The following MCOLN1 variants were observed in gnomAD, a reference collection of about 807,000 sequenced individuals.
MCOLN1 encodes mucolipin-1.
A neutral mutation model predicts 70.3 loss-of-function variants in MCOLN1; 50 were observed. The observed-to-expected ratio is 0.71, with a 90% CI of 0.57 to 0.90. The LOEUF (loss-of-function observed/expected upper bound fraction) is 0.90, where lower values mean the gene tolerates loss of function less well. Ranked by LOEUF, MCOLN1 falls within the 40% of genes least tolerant of loss-of-function variation. MCOLN1 has a pLI of 0.00. For missense variants in MCOLN1, 598 were observed against 803.5 expected, an observed-to-expected ratio of 0.74 and a Z score of 3.09; for synonymous variants, 366 against 341.0, an observed-to-expected ratio of 1.07 and a Z score of -0.81.
intron 1 of MCOLN1, among the ~76,000 whole-genome samples, chr19:7,523,288 G>A (rs1416766816): frequency 6.6e-6 from 1 of 152,200 alleles, no homozygotes; most frequent in Non-Finnish European, 1.5e-5. Flanking sequence ...TCTTAAATTC[G>A]GGCTTCTAGC....
intron 12 of MCOLN1, among the ~76,000 whole-genome samples, chr19:7,530,894 C>T (rs1293490994): frequency 1.3e-5 from 2 of 152,166 alleles, no homozygotes; most frequent in Admixed American, 6.5e-5. Flanking sequence ...GCACACGCCA[C>T]CACGTCCAGC....
rs2022568798 is a variant in MCOLN1, at chr19:7,526,456, C to T, written c.255C>T (p.Leu85=). The change falls in exon 3 of 14, where the codon CTC becomes CTT. Residue 85 remains leucine (L), a synonymous_variant. Transcript: ENST00000264079. The surrounding 1 kb of genome is among the most constrained non-coding windows in gnomAD (Gnocchi z 4.6). ...VVTVQLILFG[L]SNQLAVTFRE... is the part of the protein sequence containing the mutation. ...CTCCCCAGCTCATCCTGTTTGGGCTCAGTAATCAGCTGGCTGTGACATTCC... is the reference window on the plus strand; with the variant it reads ...CTCCCCAGCTCATCCTGTTTGGGCTTAGTAATCAGCTGGCTGTGACATTCC... 3 of 1,614,140 alleles carry T rather than the reference C, an allele frequency of 1.9e-6. No individual in the cohort carries two copies. Among genetic ancestry groups the T allele is most frequent in the African/African-American group, 2.7e-5 (2 of 74,952 alleles).
Position 7,525,318 on chromosome 19 carries a change from C to A in MCOLN1, c.237+152C>A. ...ACCAGTCTGGCCAGCATGGTGAAAC[C>A]CCATCTCTACTAAAAATACAAAAAA... On this transcript the variant is annotated intron_variant, in intron 2 of 13. Transcript: ENST00000264079. The surrounding 1 kb of genome is among the most constrained non-coding windows in gnomAD (Gnocchi z 4.2). 1 of 717,152 alleles carries A rather than the reference C, an allele frequency of 1.4e-6. No homozygotes were observed. The highest frequency in any genetic ancestry group is 1.5e-5 in the South Asian group (1 of 66,088). The allele number at this position is 717,152 out of a possible 1,614,324, so 44.4% of individuals were successfully genotyped here. A position where few individuals can be genotyped will look rare whatever the true frequency, so the allele number is the denominator to read the frequency against.
chr19:7,528,077 G>C lies in MCOLN1; in HGVS notation c.778-81G>C. 1.3e-6 allele frequency: 2 copies of C among 1,543,052 alleles called. No individual in the cohort carries two copies. The highest frequency in any genetic ancestry group is 1.8e-6 in the Non-Finnish European group (2 of 1,115,610). ...TGCGGGTGATGAGGGAGGGAGCCCGGGGTCTGTCAGGCCACCTGTCATGTG... is the reference window on the plus strand; with the variant it reads ...TGCGGGTGATGAGGGAGGGAGCCCGCGGTCTGTCAGGCCACCTGTCATGTG... On this transcript the variant is annotated intron_variant, in intron 6 of 13. Transcript: ENST00000264079. The surrounding 1 kb of genome is among the most constrained non-coding windows in gnomAD (Gnocchi z 4.2).
chr19:7,523,368 C>T (rs1441325870), intron 1 of MCOLN1, among the ~76,000 whole-genome samples: 1 of 152,258 alleles, frequency 6.6e-6, no homozygotes, highest in African/African-American at 2.4e-5. Context: ...CCTTCTGGAG[C>T]TAGCTGGGGA....
Position 7,527,920 on chromosome 19 carries a change from T to A in MCOLN1, c.737T>A (p.Ile246Asn), listed in dbSNP as rs565619648. 1 of 1,614,162 alleles carries A rather than the reference T, an allele frequency of 6.2e-7. No individual in the cohort carries two copies. Among genetic ancestry groups the A allele is most frequent in the South Asian group, 1.1e-5 (1 of 91,084 alleles). Residue 246 changes from isoleucine to asparagine, a missense_variant, in exon 6 of 14, where the codon ATC (isoleucine) becomes AAC (asparagine). Coordinates refer to ENST00000264079, the MANE Select transcript of MCOLN1 (RefSeq NM_020533.3). The stretch of plus-strand genomic sequence containing the variant: ...AAGACCATTAACCTCCAGAGCCTCA[T>A]CAATAATGAGATCCCGGACTGCTAT... ...RLKTINLQSL[I>N]NNEIPDCYTF... is the part of the protein sequence containing the mutation.
Position 7,528,717 on chromosome 19 carries a change from G to C in MCOLN1, c.984+14G>C, listed in dbSNP as rs370661580. ...CTGCTGCAGAACGTGAGGCTTCTGC[G>C]TCATGTGTGCTGGTGTCCTCCCCGC... On this transcript the variant is annotated intron_variant, in intron 8 of 13. Transcript: ENST00000264079. This position sits in a 1 kb window ranked among gnomAD's most constrained non-coding sequence, Gnocchi z 4.2. The C allele has an allele frequency of 6.2e-7, 1 of 1,614,070 alleles. No individual in the cohort carries two copies. Among genetic ancestry groups the C allele is most frequent in the East Asian group, 2.2e-5 (1 of 44,894 alleles).
intron 11 of MCOLN1, among the ~76,000 whole-genome samples, 199 bp downstream of exon 11, chr19:7,529,911 C>G (rs1275068150): frequency 6.6e-6 from 1 of 152,234 alleles, no homozygotes. Context: ...TACTCCCCTC[C>G]TGCTCTATCT....
At position 7,526,962 on chromosome 19, in the gene MCOLN1, C is replaced by T. The variant is rs755288465; in HGVS notation, c.571+36C>T. 5 of 1,613,198 alleles carry T rather than the reference C, an allele frequency of 3.1e-6. No individual in the cohort carries two copies. The highest frequency in any genetic ancestry group is 4.2e-6 in the Non-Finnish European group (5 of 1,179,598). On this transcript the variant is annotated intron_variant, in intron 4 of 13. Transcript: ENST00000264079. This position sits in a 1 kb window ranked among gnomAD's most constrained non-coding sequence, Gnocchi z 4.6. ...AGGACGAGGCTTCACTGTTGGGAGC[C>T]TGAGCTGCTGGGATTAAAATCAACA...
chr19:7,527,505 A>C lies in MCOLN1; in HGVS notation c.572-15A>C, dbSNP rs1246052271. ...CCCGGCCCCCTGAGGCCCTTCCCTG[A>C]CTCCCTGTCCTTAGACTGCATCCAG... On this transcript the variant is annotated splice_polypyrimidine_tract_variant and intron_variant, in intron 4 of 13. Coordinates refer to ENST00000264079, the MANE Select transcript of MCOLN1 (RefSeq NM_020533.3). The C allele has an allele frequency of 1.6e-6, 2 of 1,243,466 alleles. No individual in the cohort carries two copies. The highest frequency in any genetic ancestry group is 2.4e-5 in the South Asian group (2 of 83,928). 77.0% of individuals were successfully genotyped at this position (1,243,466 alleles called of 1,614,324 possible).
At chr19:7,527,686 C>T (rs1336547475) in intron 5 of MCOLN1, 58 bp downstream of exon 5, 1 of 1,259,296 alleles carries the variant, frequency 7.9e-7, no homozygotes, top group Non-Finnish European at 1.2e-6. Flanking sequence ...ACTAGGCACT[C>T]TCACCCCAGC....
chr19:7,529,608 C>A lies in MCOLN1; in HGVS notation c.1255C>A (p.Arg419=), dbSNP rs746356009. The change falls in exon 11 of 14, where the codon CGG becomes AGG. Residue 419 remains arginine, a synonymous_variant. Coordinates refer to ENST00000264079, the MANE Select transcript of MCOLN1 (RefSeq NM_020533.3). ...HNYNILIATL[R]VALPSVMRFC... Reference sequence around the variant, plus strand: ...AACCCAGATCCTCATCGCCACACTGCGGGTGGCCCTGCCCAGCGTCATGCG... The same window carrying A: ...AACCCAGATCCTCATCGCCACACTGAGGGTGGCCCTGCCCAGCGTCATGCG... 1 of 1,613,552 alleles carries A rather than the reference C, an allele frequency of 6.2e-7. No individual in the cohort carries two copies. Among genetic ancestry groups the A allele is most frequent in the Admixed American group, 1.7e-5 (1 of 60,002 alleles).
chr19:7,527,892 C>T lies in MCOLN1; in HGVS notation c.709C>T (p.Leu237=). The change falls in exon 6 of 14, where the codon CTG becomes TTG. Residue 237 remains leucine (L), a synonymous_variant. Coordinates refer to ENST00000264079, the MANE Select transcript of MCOLN1 (RefSeq NM_020533.3). Reference sequence around the variant, plus strand: ...GGTCAATGTCACCATCCACTTCCGGCTGAAGACCATTAACCTCCAGAGCCT... The same window carrying T: ...GGTCAATGTCACCATCCACTTCCGGTTGAAGACCATTAACCTCCAGAGCCT... The part of the protein sequence containing the change: ...KLVNVTIHFR[L]KTINLQSLIN... The T allele has an allele frequency of 4.3e-6, 7 of 1,614,166 alleles. No individual in the cohort carries two copies. Among genetic ancestry groups the T allele is most frequent in the Non-Finnish European group, 5.9e-6 (7 of 1,179,996 alleles).
In MCOLN1 at chr19:7,528,012, G is replaced by A. The variant is rs1288171557; in HGVS notation, c.777+52G>A. On this transcript the variant is annotated intron_variant, in intron 6 of 13. Coordinates refer to ENST00000264079, the MANE Select transcript of MCOLN1 (RefSeq NM_020533.3). This position sits in a 1 kb window ranked among gnomAD's most constrained non-coding sequence, Gnocchi z 4.2. ...CTCCTGAGTTCCAGGGCAGGGACCT[G>A]GTCAGGGAGTGTCTTGGGAGCACTG... 1.3e-6 allele frequency: 2 copies of A among 1,567,908 alleles called. No individual in the cohort carries two copies. The highest frequency in any genetic ancestry group is 1.8e-6 in the Non-Finnish European group (2 of 1,138,196).
intron 4 of MCOLN1, 35 bp from the exon 5 acceptor site, chr19:7,527,485 C>T (rs2022588272): frequency 1.1e-6 from 1 of 884,408 alleles, no homozygotes; most frequent in Non-Finnish European, 1.9e-6. Context: ...GCCTCCCCGG[C>T]CCCCTGAGGC....
chr19:7,528,625 C>T lies in MCOLN1; in HGVS notation c.906C>T (p.Asp302=), dbSNP rs769304283. The part of the protein sequence containing the change: ...HGDNSFRLLF[D]VVVILTCSLS... ...ACAACAGCTTCCGGCTCCTGTTTGA[C>T]GTGGTGGTCATCCTCACCTGCTCCC... The change falls in exon 8 of 14, where the codon GAC becomes GAT. Residue 302 remains aspartate, a synonymous_variant. Transcript: ENST00000264079. This position sits in a 1 kb window ranked among gnomAD's most constrained non-coding sequence, Gnocchi z 4.2. The T allele has an allele frequency of 9.3e-6, 15 of 1,614,150 alleles. No homozygotes were observed. The highest frequency in any genetic ancestry group is 2.7e-5 in the African/African-American group (2 of 74,946).
At chr19:7,527,045 A>C in intron 4 of MCOLN1, 119 bp downstream of exon 4, 2 of 1,348,140 alleles carry the variant, frequency 1.5e-6, no homozygotes, top group Non-Finnish European at 2.1e-6. Context: ...GAGGCTGAGG[A>C]GGAAGGATTG....
At chr19:7,532,740 A>T (rs1473015329) in intron 12 of MCOLN1, among the ~76,000 whole-genome samples, 1 of 152,158 alleles carries the variant, frequency 6.6e-6, no homozygotes, top group African/African-American at 2.4e-5. Context: ...ATTTTTTAAA[A>T]ATTTTAATTC....
At position 7,524,757 on chromosome 19, in the gene MCOLN1, C is replaced by T. The variant is rs867092141; in HGVS notation, c.32-204C>T. Among the ~76,000 whole-genome samples the T allele has an allele frequency of 1.3e-5, 2 of 152,190 alleles. No homozygotes were observed. Among genetic ancestry groups the T allele is most frequent in the Non-Finnish European group, 2.9e-5 (2 of 68,030 alleles). On this transcript the variant is annotated intron_variant, in intron 1 of 13. Coordinates refer to ENST00000264079, the MANE Select transcript of MCOLN1 (RefSeq NM_020533.3). This position sits in a 1 kb window ranked among gnomAD's most constrained non-coding sequence, Gnocchi z 4.1. Reference sequence around the variant, plus strand: ...AGCCCAGGCCCTGTACCTCCCAAACCCAAACTCATAACCTCTGAGCAGGAC... The same window carrying T: ...AGCCCAGGCCCTGTACCTCCCAAACTCAAACTCATAACCTCTGAGCAGGAC...
Sources: gnomAD v4.1 joint callset for allele counts (sites outside exome capture counted in the v4.1 genomes callset) on GRCh38, gnomAD v4.1.1 for gene constraint, Gnocchi (gnomAD v3.1) non-coding constraint, MANE v1.5 for transcripts, NCBI Gene and HGNC (gene_info 2026-07-23, HGNC 2026-07-21) for gene names.